SH3RF2: variants seen among roughly 807,000 people sequenced by gnomAD.
The protein encoded by SH3RF2 is SH3 domain containing ring finger 2.
A neutral mutation model predicts 59.0 loss-of-function variants in SH3RF2; 43 were observed. That is an observed-to-expected ratio of 0.73 (90% CI 0.57 to 0.94). SH3RF2 has a LOEUF of 0.94. SH3RF2 is among the 40% of genes least tolerant of loss of function. The pLI is 0.00. For synonymous variants in SH3RF2, 391 were observed against 391.5 expected (o/e 1.00, Z 0.01); for missense variants, 930 against 940.1 (o/e 0.99, Z 0.14).
intron 9 of SH3RF2, among the ~76,000 whole-genome samples, chr5:146,062,082 T>A (rs1464065076): frequency 6.6e-6 from 1 of 152,122 alleles, no homozygotes; most frequent in Non-Finnish European, 1.5e-5. Flanking sequence ...AGAGGCAAGG[T>A]AAATTTCTTT....
chr5:146,065,266 A>C (rs965710433), downstream of SH3RF2, among the ~76,000 whole-genome samples: 16 of 152,228 alleles, frequency 1.1e-4, no homozygotes, highest in African/African-American at 3.1e-4. Context: ...CATTGAACTA[A>C]ATATAATAAT....
chr5:145,957,324 C>T (rs887139010), intron 2 of SH3RF2, among the ~76,000 whole-genome samples: 7 of 152,004 alleles, frequency 4.6e-5, no homozygotes, highest in Non-Finnish European at 7.4e-5. Context: ...ACAATAATGA[C>T]AGTAGAAGAC....
intron 9 of SH3RF2, among the ~76,000 whole-genome samples, chr5:146,060,692 G>A (rs1762856509): frequency 6.6e-6 from 1 of 152,162 alleles, no homozygotes; most frequent in Non-Finnish European, 1.5e-5. Flanking sequence ...TGCTTACATA[G>A]GGTTTGACAC....
At chr5:146,074,664 C>T (rs947478560) in intron 9 of SH3RF2, among the ~76,000 whole-genome samples, 3 of 152,020 alleles carry the variant, frequency 2.0e-5, no homozygotes, top group African/African-American at 7.3e-5. Context: ...ATATAATTTC[C>T]TTCGTTATCA....
chr5:146,061,598 C>A (rs1762894970), intron 9 of SH3RF2, among the ~76,000 whole-genome samples: 1 of 152,108 alleles, frequency 6.6e-6, no homozygotes, highest in African/African-American at 2.4e-5. Flanking sequence ...CTGAGCAGTA[C>A]CACAGAACGC....
At chr5:146,057,155 G>A (rs1032359818) in intron 8 of SH3RF2, among the ~76,000 whole-genome samples, 3 of 152,202 alleles carry the variant, frequency 2.0e-5, no homozygotes, top group Admixed American at 6.5e-5. Flanking sequence ...AATAGGATTG[G>A]TCAATACAGA....
chr5:146,031,380 T>A (rs1406429410), intron 5 of SH3RF2, among the ~76,000 whole-genome samples: 1 of 152,160 alleles, frequency 6.6e-6, no homozygotes, highest in Non-Finnish European at 1.5e-5. Flanking sequence ...TGAAATCCAG[T>A]GAACATATAC....
chr5:146,004,138 T>C lies in SH3RF2; in HGVS notation c.729T>C (p.Pro243=), dbSNP rs771414456. The part of the protein sequence containing the change: ...GKLGDKVGIF[P]ILFVEPNLTA... Reference sequence around the variant, plus strand: ...TAGGAGATAAAGTAGGCATCTTCCCTATCTTGTTTGTAGAGGTACGTGAGT... The same window carrying C: ...TAGGAGATAAAGTAGGCATCTTCCCCATCTTGTTTGTAGAGGTACGTGAGT... The change falls in exon 4 of 10, where the codon CCT becomes CCC. Residue 243 remains proline, a synonymous_variant. Coordinates refer to ENST00000359120, the MANE Select transcript of SH3RF2 (RefSeq NM_152550.4). 16 of 1,612,350 alleles carry C rather than the reference T, an allele frequency of 9.9e-6. No homozygotes were observed. Among genetic ancestry groups the C allele is most frequent in the African/African-American group, 9.3e-5 (7 of 75,004 alleles).
chr5:145,938,516 T>C (rs1757688327), intron 2 of SH3RF2, among the ~76,000 whole-genome samples: 1 of 152,190 alleles, frequency 6.6e-6, no homozygotes, highest in South Asian at 2.1e-4. Flanking sequence ...TTAGAACTAT[T>C]AAAGCTTCCT....
chr5:146,012,465 A>G (rs1179327952), intron 4 of SH3RF2, among the ~76,000 whole-genome samples: 1 of 152,178 alleles, frequency 6.6e-6, no homozygotes, highest in Non-Finnish European at 1.5e-5. Context: ...TACCTCTGGT[A>G]GAATTCGGCT....
intron 5 of SH3RF2, among the ~76,000 whole-genome samples, chr5:146,041,698 C>T (rs1450482929): frequency 3.3e-5 from 5 of 152,068 alleles, no homozygotes; most frequent in African/African-American, 9.7e-5. Flanking sequence ...TTTGGGAGGC[C>T]GAGGACGTAT....
intron 5 of SH3RF2, among the ~76,000 whole-genome samples, chr5:146,028,223 C>T (rs1446516879): frequency 7.3e-6 from 1 of 137,708 alleles, no homozygotes; most frequent in Non-Finnish European, 1.6e-5. Flanking sequence ...GATAATTCAA[C>T]AAGAAAGGAA....
chr5:145,971,025 C>T (rs1156767180), intron 2 of SH3RF2, among the ~76,000 whole-genome samples: 4 of 152,098 alleles, frequency 2.6e-5, no homozygotes, highest in Non-Finnish European at 5.9e-5. Flanking sequence ...CAAAGCCTTC[C>T]AAATCTAAGA....
intron 2 of SH3RF2, among the ~76,000 whole-genome samples, chr5:145,962,888 CTT>C (rs1168517787): frequency 1.1e-4 from 11 of 104,552 alleles, no homozygotes; most frequent in South Asian, 6.7e-4. Flanking sequence ...TATTATTCCA[CTT>C]TTTTTTTTTT....
At chr5:146,003,997 C>A in intron 3 of SH3RF2, 61 bp from the exon 4 acceptor site, 4 of 1,435,356 alleles carry the variant, frequency 2.8e-6, no homozygotes, top group Non-Finnish European at 3.9e-6. Context: ...CTGATCTCTG[C>A]TGAGAGCTTT....
chr5:146,074,500 C>G (rs1763303622), intron 9 of SH3RF2, among the ~76,000 whole-genome samples: 2 of 151,872 alleles, frequency 1.3e-5, no homozygotes, highest in South Asian at 4.1e-4. Flanking sequence ...ATCTTAAGAA[C>G]TCACCTTTCA....
rs1761011252 is a variant in SH3RF2 at position 146,013,960 on chromosome 5, A to G, written c.958A>G (p.Met320Val). The change falls in exon 5 of 10, where the codon ATG (methionine) becomes GTG (valine). Residue 320 changes from methionine (M) to valine (V), a missense_variant. Coordinates refer to ENST00000359120, the MANE Select transcript of SH3RF2 (RefSeq NM_152550.4). ...GGTCCATTCTCCTTCAGGGCGCCAT[A>G]TGGTAGAGATCAGCACCCCAGTGCT... is the stretch of plus-strand genomic sequence containing the variant. The part of the protein sequence containing the change: ...RMVHSPSGRH[M>V]VEISTPVLIS... 2 of 1,614,082 alleles carry G rather than the reference A, an allele frequency of 1.2e-6. No homozygotes were observed. The highest frequency in any genetic ancestry group is 1.1e-5 in the South Asian group (1 of 91,076).
At chr5:145,995,516 C>G (rs1263225029) in intron 2 of SH3RF2, among the ~76,000 whole-genome samples, 3 of 152,150 alleles carry the variant, frequency 2.0e-5, no homozygotes, top group Non-Finnish European at 4.4e-5. Flanking sequence ...AAGTTAGTTG[C>G]ATAGTTTGCT....
chr5:145,977,392 A>G (rs1759336178), intron 2 of SH3RF2, among the ~76,000 whole-genome samples: 1 of 152,174 alleles, frequency 6.6e-6, no homozygotes, highest in African/African-American at 2.4e-5. Context: ...AAAAGCTAGT[A>G]CCTATTGAGT....
Sources: gnomAD v4.1 joint callset for allele counts (sites outside exome capture counted in the v4.1 genomes callset) on GRCh38, gnomAD v4.1.1 for gene constraint, MANE v1.5 for transcripts, NCBI Gene and HGNC (gene_info 2026-07-23, HGNC 2026-07-21) for gene names.